Variants in DLG2 observed in about 807,000 individuals in gnomAD.
DLG2 encodes the protein discs large MAGUK scaffold protein 2, also known as disks large homolog 2.
Under a neutral mutation model 132.5 loss-of-function variants are expected in DLG2, and 45 were observed. That is an observed-to-expected ratio of 0.34 (90% CI 0.27 to 0.44). The LOEUF is 0.44. Among genes scored for constraint, DLG2 ranks in the 20% least tolerant of loss-of-function variants. The probability of loss-of-function intolerance (pLI) is 1.00; values close to 1 mark genes in which losing one functional copy is unlikely to be tolerated. For missense variants in DLG2, 1,045 were observed against 1,196.9 expected (o/e 0.87, Z 1.87); for synonymous variants, 424 against 419.6 (o/e 1.01, Z -0.13).
At chr11:84,766,820 T>C (rs2068486301) in intron 6 of DLG2, among the ~76,000 whole-genome samples, 1 of 152,108 alleles carries the variant, frequency 6.6e-6, no homozygotes, top group African/African-American at 2.4e-5. Context: ...ATAGTCAAGA[T>C]GCTTATAGTA....
intron 3 of DLG2, among the ~76,000 whole-genome samples, chr11:85,450,223 T>C (rs1339054642): frequency 6.6e-6 from 1 of 152,240 alleles, no homozygotes; most frequent in Non-Finnish European, 1.5e-5. Flanking sequence ...TTGTTTTCTA[T>C]GAGAGCCCAG....
chr11:84,837,703 T>C (rs2154003088), intron 6 of DLG2, among the ~76,000 whole-genome samples: 1 of 151,806 alleles, frequency 6.6e-6, no homozygotes, highest in East Asian at 1.9e-4. Context: ...AAATAAAGCA[T>C]AAGGGCATTC....
intron 3 of DLG2, among the ~76,000 whole-genome samples, chr11:85,397,221 T>A (rs1431091733): frequency 6.6e-6 from 1 of 152,088 alleles, no homozygotes; most frequent in Non-Finnish European, 1.5e-5. Flanking sequence ...TACAGACAAG[T>A]GAATGCTGAG....
rs184380229 is a variant in DLG2, at chr11:84,294,528, G to A, written c.520-43237C>T. Among the ~76,000 whole-genome samples, 356 of 152,256 alleles carry A rather than the reference G, an allele frequency of 2.3e-3. 2 individuals carry two copies. The highest frequency in any genetic ancestry group is 8.1e-3 in the African/African-American group (336 of 41,548). On this transcript the variant is annotated intron_variant, in intron 7 of 27. Coordinates refer to ENST00000376104, the MANE Select transcript of DLG2 (RefSeq NM_001142699.3). ...CAGAAGAATCGCTTGAACCTGGGAG[G>A]TGAAGGTTGCAGTGAGCCGAGATCG...
chr11:84,801,826 A>G (rs2075413991), intron 6 of DLG2, among the ~76,000 whole-genome samples: 2 of 152,208 alleles, frequency 1.3e-5, no homozygotes, highest in African/African-American at 4.8e-5. Flanking sequence ...AAACTACTAC[A>G]TTGAACATCC....
intron 6 of DLG2, among the ~76,000 whole-genome samples, chr11:84,738,450 T>C (rs2064155096): frequency 6.6e-6 from 1 of 152,182 alleles, no homozygotes; most frequent in African/African-American, 2.4e-5. Context: ...GTATGGTTCT[T>C]ACAATTTGCT....
intron 4 of DLG2, among the ~76,000 whole-genome samples, chr11:85,159,431 A>G (rs2077858824): frequency 6.6e-6 from 1 of 152,234 alleles, no homozygotes; most frequent in Admixed American, 6.5e-5. Context: ...TCTACCTAGA[A>G]AAACAGTAAA....
chr11:83,506,488 G>A (rs1254406263), intron 21 of DLG2, among the ~76,000 whole-genome samples: 1 of 152,196 alleles, frequency 6.6e-6, no homozygotes, highest in Non-Finnish European at 1.5e-5. Flanking sequence ...CCAGCCAGAA[G>A]TTTAGTCTAG....
At chr11:85,349,607 T>C (rs774759905) in intron 3 of DLG2, among the ~76,000 whole-genome samples, 10 of 152,078 alleles carry the variant, frequency 6.6e-5, no homozygotes, top group African/African-American at 2.4e-4. Flanking sequence ...TTCCCCACCC[T>C]GTGTCCAAGT....
At chr11:83,847,377 G>T (rs572910591) in intron 16 of DLG2, among the ~76,000 whole-genome samples, 12 of 152,054 alleles carry the variant, frequency 7.9e-5, no homozygotes, top group Admixed American at 2.6e-4. Context: ...AATGTCTTTC[G>T]AGTTGAAGCA....
intron 4 of DLG2, among the ~76,000 whole-genome samples, chr11:85,198,395 A>G (rs1256225790): frequency 1.3e-5 from 2 of 152,194 alleles, no homozygotes; most frequent in Non-Finnish European, 2.9e-5. Context: ...TTGGCACATC[A>G]TTGAAGGATC....
rs115770217 is a variant in DLG2 at position 84,547,477 on chromosome 11, C to A, written c.358-12746G>T. 1.9e-3 allele frequency among the ~76,000 whole-genome samples: 285 copies of A among 152,218 alleles called. 2 individuals carry two copies. The highest frequency in any genetic ancestry group is 6.3e-3 in the African/African-American group (260 of 41,542). ...GAATTTACTGAGCACCACTTCTATG[C>A]CAGATATTGTACCATGTGCTAGAGA... On this transcript the variant is annotated intron_variant, in intron 6 of 27. Transcript: ENST00000376104.
At chr11:85,456,095 TGTCTG>T (rs1161612218) in intron 3 of DLG2, among the ~76,000 whole-genome samples, 1 of 152,210 alleles carries the variant, frequency 6.6e-6, no homozygotes, top group African/African-American at 2.4e-5. Flanking sequence ...ACTGTGAATC[TGTCTG>T]GTCCTGGGCT....
chr11:84,738,976 A>G (rs1191004718), intron 6 of DLG2, among the ~76,000 whole-genome samples: 3 of 152,186 alleles, frequency 2.0e-5, no homozygotes, highest in Non-Finnish European at 4.4e-5. Flanking sequence ...ACATGGAAAT[A>G]TATAAAATAA....
intron 7 of DLG2, among the ~76,000 whole-genome samples, chr11:84,358,426 A>C (rs942668706): frequency 6.6e-6 from 1 of 150,676 alleles, no homozygotes; most frequent in Non-Finnish European, 1.5e-5. Flanking sequence ...TTGGTATATG[A>C]AACCGATTTC....
chr11:84,786,518 T>C (rs2072924314), intron 6 of DLG2, among the ~76,000 whole-genome samples: 1 of 152,212 alleles, frequency 6.6e-6, no homozygotes, highest in South Asian at 2.1e-4. Context: ...ATCACTTTTA[T>C]AACAAGCTTC....
At chr11:83,491,689 T>A (rs934593828) in intron 21 of DLG2, among the ~76,000 whole-genome samples, 1 of 151,950 alleles carries the variant, frequency 6.6e-6, no homozygotes, top group African/African-American at 2.4e-5. Flanking sequence ...AAGTAGGATG[T>A]TTTCCTTAAC....
At chr11:85,085,655 C>T (rs545819046) in intron 6 of DLG2, among the ~76,000 whole-genome samples, 1 of 152,128 alleles carries the variant, frequency 6.6e-6, no homozygotes, top group South Asian at 2.1e-4. Flanking sequence ...GTACCAGGAC[C>T]TATGTTGAGA....
At chr11:84,693,351 T>C (rs2058257764) in intron 6 of DLG2, among the ~76,000 whole-genome samples, 1 of 151,714 alleles carries the variant, frequency 6.6e-6, no homozygotes, top group Non-Finnish European at 1.5e-5. Flanking sequence ...GATTATTCTG[T>C]TGCTGACTCG....
Sources: allele counts gnomAD v4.1 joint callset (sites outside exome capture counted in the v4.1 genomes callset), GRCh38; gene constraint gnomAD v4.1.1; transcripts MANE v1.5; gene names NCBI Gene and HGNC (gene_info 2026-07-23, HGNC 2026-07-21).